Variants in PDGFD observed in about 807,000 individuals in gnomAD.
PDGFD encodes the protein platelet-derived growth factor D.
In PDGFD, 30 loss-of-function variants were observed where a neutral mutation model predicts 44.7. The observed-to-expected ratio is 0.67, with a 90% CI of 0.50 to 0.91. The LOEUF (loss-of-function observed/expected upper bound fraction) is 0.91. Among genes scored for constraint, PDGFD ranks in the 40% least tolerant of loss-of-function variants. PDGFD has a pLI of 0.00. For missense variants in PDGFD, 445 were observed against 457.8 expected (o/e 0.97, Z 0.25); for synonymous variants, 173 against 168.4 (o/e 1.03, Z -0.21).
rs543453002 is a variant in PDGFD, at chr11:103,949,701, C to T, written c.511-1977G>A. On this transcript the variant is annotated intron_variant, in intron 3 of 6. Coordinates refer to ENST00000393158, the MANE Select transcript of PDGFD (RefSeq NM_025208.5). The stretch of plus-strand genomic sequence containing the variant: ...AAACTATCCCTACCCTCAAGGAATT[C>T]GAAACGTAAACACACAAATAAACAC... Among the ~76,000 whole-genome samples the T allele has an allele frequency of 2.1e-4, 32 of 152,234 alleles. No individual in the cohort carries two copies. In the South Asian group the frequency reaches 6.0e-3, roughly 29 times the overall value.
chr11:103,955,931 T>C (rs1242146781), intron 3 of PDGFD, among the ~76,000 whole-genome samples: 4 of 152,214 alleles, frequency 2.6e-5, no homozygotes, highest in South Asian at 2.1e-4. Context: ...CTAGGATTCA[T>C]TAATCAATCA....
intron 1 of PDGFD, among the ~76,000 whole-genome samples, chr11:104,065,975 A>G (rs1860785617): frequency 6.6e-6 from 1 of 152,228 alleles, no homozygotes; most frequent in Non-Finnish European, 1.5e-5. Context: ...ATCATTCTAG[A>G]TCAAATATCT....
intron 3 of PDGFD, among the ~76,000 whole-genome samples, chr11:103,956,762 C>T (rs1043173130): frequency 5.9e-4 from 89 of 152,104 alleles, no homozygotes; most frequent in African/African-American, 1.3e-3. Flanking sequence ...TTCTAACTGG[C>T]GTGAGATGGT....
At chr11:104,101,976 A>G (rs920449927) in intron 1 of PDGFD, among the ~76,000 whole-genome samples, 20 of 152,212 alleles carry the variant, frequency 1.3e-4, no homozygotes, top group African/African-American at 3.6e-4. Flanking sequence ...TAAAAACCCT[A>G]GAAGAAAACC....
At chr11:104,036,343 C>T (rs1164193183) in intron 1 of PDGFD, among the ~76,000 whole-genome samples, 3 of 151,928 alleles carry the variant, frequency 2.0e-5, no homozygotes, top group Admixed American at 2.0e-4. Flanking sequence ...TTTCAGGAGG[C>T]TGAGAGAGGA....
At chr11:104,115,354 T>C (rs910106063) in intron 1 of PDGFD, among the ~76,000 whole-genome samples, 5 of 150,188 alleles carry the variant, frequency 3.3e-5, no homozygotes, top group Non-Finnish European at 7.4e-5. Context: ...AATATACACA[T>C]ATATGATGGA....
At chr11:104,048,818 C>G (rs1000188185) in intron 1 of PDGFD, among the ~76,000 whole-genome samples, 1 of 152,216 alleles carries the variant, frequency 6.6e-6, no homozygotes, top group African/African-American at 2.4e-5. Context: ...AAGAATGACA[C>G]ACTAGTCATC....
intron 1 of PDGFD, among the ~76,000 whole-genome samples, chr11:104,138,016 C>T (rs2119863848): frequency 6.6e-6 from 1 of 152,184 alleles, no homozygotes; most frequent in African/African-American, 2.4e-5. Flanking sequence ...GAAAACATAC[C>T]TGCTCATCTT....
rs558067660 is a variant in PDGFD at position 103,950,040 on chromosome 11, G to A, written c.511-2316C>T. Among the ~76,000 whole-genome samples, 4 of 152,202 alleles carry A rather than the reference G, an allele frequency of 2.6e-5. No individual in the cohort carries two copies. In the East Asian group the frequency reaches 5.8e-4, roughly 22 times the overall value. On this transcript the variant is annotated intron_variant, in intron 3 of 6. Transcript: ENST00000393158. ...ACACTATGTACAGATGGAGATGTTC[G>A]GGGGGAAGTTTGCTACATGAGAATG... is the stretch of plus-strand genomic sequence containing the variant.
Position 104,160,763 on chromosome 11 carries a change from G to A in PDGFD, c.124+3041C>T, listed in dbSNP as rs1158656897. The stretch of plus-strand genomic sequence containing the variant: ...TTGGGCCACATTTAGCCATTCTACA[G>A]GTAGAAAGGCTCTGCAGATATACCT... On this transcript the variant is annotated intron_variant, in intron 1 of 6. Transcript: ENST00000393158. Among the ~76,000 whole-genome samples, 5 of 152,050 alleles carry A rather than the reference G, an allele frequency of 3.3e-5. No individual in the cohort carries two copies. The East Asian group carries it at 9.9e-4, about 30-fold the overall frequency.
At chr11:103,990,555 G>C (rs1402734437) in intron 3 of PDGFD, among the ~76,000 whole-genome samples, 1 of 152,186 alleles carries the variant, frequency 6.6e-6, no homozygotes, top group East Asian at 1.9e-4. Context: ...CAGAGGTTCT[G>C]CCTGTCTTCC....
At chr11:104,157,281 G>C (rs1392709739) in intron 1 of PDGFD, among the ~76,000 whole-genome samples, 1 of 152,170 alleles carries the variant, frequency 6.6e-6, no homozygotes, top group Non-Finnish European at 1.5e-5. Context: ...AAAATGAAAT[G>C]ATTCCATCTG....
chr11:104,035,262 T>C (rs1860207369), intron 1 of PDGFD, among the ~76,000 whole-genome samples: 1 of 152,234 alleles, frequency 6.6e-6, no homozygotes, highest in Non-Finnish European at 1.5e-5. Flanking sequence ...AGACCCTCTG[T>C]GTTATCCACA....
chr11:104,065,767 G>C (rs537196882), intron 1 of PDGFD, among the ~76,000 whole-genome samples: 1 of 152,178 alleles, frequency 6.6e-6, no homozygotes, highest in Non-Finnish European at 1.5e-5. Flanking sequence ...TGAATCGTTT[G>C]AAAACACAGT....
chr11:103,972,849 T>C (rs1219095124), intron 3 of PDGFD, among the ~76,000 whole-genome samples: 4 of 152,212 alleles, frequency 2.6e-5, no homozygotes, highest in African/African-American at 4.8e-5. Flanking sequence ...GAGAATTCTA[T>C]AGGTTATTTC....
At chr11:104,127,860 A>C (rs1861861919) in intron 1 of PDGFD, among the ~76,000 whole-genome samples, 1 of 152,158 alleles carries the variant, frequency 6.6e-6, no homozygotes, top group Non-Finnish European at 1.5e-5. Flanking sequence ...CTCTTAGCTG[A>C]CAGCACTGCC....
At chr11:104,071,723 T>C (rs1266958076) in intron 1 of PDGFD, among the ~76,000 whole-genome samples, 1 of 151,806 alleles carries the variant, frequency 6.6e-6, no homozygotes, top group African/African-American at 2.4e-5. Flanking sequence ...GAGTTGTAGT[T>C]ATGAAACCTT....
At position 104,118,818 on chromosome 11, in the gene PDGFD, T is replaced by A. The variant is rs1223108254; in HGVS notation, c.124+44986A>T. ...ATAAATATTAATATATAATATATTA[T>A]ATATTATAAATATTAATATATAATA... On this transcript the variant is annotated intron_variant, in intron 1 of 6. Transcript: ENST00000393158. Among the ~76,000 whole-genome samples the A allele has an allele frequency of 7.8e-4, 34 of 43,498 alleles. 1 individual carries two copies. In the East Asian group the frequency reaches 0.013, roughly 17 times the overall value. 28.5% of individuals were successfully genotyped at this position (43,498 alleles called of 152,430 possible). A position where few individuals can be genotyped will look rare whatever the true frequency, so the allele number is the denominator to read the frequency against.
chr11:104,085,083 C>T lies in PDGFD; in HGVS notation c.124+78721G>A, dbSNP rs796078604. On this transcript the variant is annotated intron_variant, in intron 1 of 6. Transcript: ENST00000393158. ...GGTACAATACAACTTAGATACAGAC[C>T]TTATTCAGATTTTATCAGTTTGTAC... Among the ~76,000 whole-genome samples the T allele has an allele frequency of 2.6e-5, 4 of 151,194 alleles. No individual in the cohort carries two copies. The South Asian group carries it at 8.3e-4, about 31-fold the overall frequency.
Sources: gnomAD v4.1 joint callset for allele counts (sites outside exome capture counted in the v4.1 genomes callset) on GRCh38, gnomAD v4.1.1 for gene constraint, MANE v1.5 for transcripts, NCBI Gene and HGNC (gene_info 2026-07-23, HGNC 2026-07-21) for gene names.